Variants in SPSB1 observed in about 807,000 individuals in gnomAD.
SPSB1 encodes SPRY domain-containing SOCS box protein 1.
A neutral mutation model predicts 21.2 loss-of-function variants in SPSB1; 8 were observed. The observed-to-expected ratio is 0.38, with a 90% confidence interval of 0.22 to 0.68. The LOEUF (loss-of-function observed/expected upper bound fraction) is 0.68, where lower values mean the gene tolerates loss of function less well. Among genes scored for constraint, SPSB1 ranks in the 30% least tolerant of loss-of-function variants. The pLI, the probability that SPSB1 is intolerant of heterozygous loss-of-function variation, is 0.53. For missense variants in SPSB1, 242 were observed against 377.8 expected, an observed-to-expected ratio of 0.64 and a Z score of 2.98; for synonymous variants, 169 against 161.7, an observed-to-expected ratio of 1.05 and a Z score of -0.34.
chr1:9,335,167 A>C (rs1426792874), intron 1 of SPSB1, among the ~76,000 whole-genome samples: 2 of 152,004 alleles, frequency 1.3e-5, no homozygotes, highest in African/African-American at 4.8e-5. Context: ...AAAATGGTGC[A>C]TTTTCATTGG....
intron 1 of SPSB1, among the ~76,000 whole-genome samples, chr1:9,309,283 T>A (rs1631612): frequency 0.01 from 1,377 of 137,678 alleles, 29 homozygotes; most frequent in African/African-American, 0.035. Context: ...AGAGAGAGTG[T>A]GAGAGAGAGA....
At position 9,345,405 on chromosome 1, in the gene SPSB1, C is replaced by T. The variant is rs951160112; in HGVS notation, c.-149-10338C>T. 5.3e-5 allele frequency among the ~76,000 whole-genome samples: 8 copies of T among 152,078 alleles called. No homozygotes were observed. The highest frequency in any genetic ancestry group is 8.8e-5 in the Non-Finnish European group (6 of 68,016). ...AACCAGATGGGCCCAGTGTGTTACC[C>T]GCCGAGGCTAGGCAGTGTCGGTGGT... On this transcript the variant is annotated intron_variant, in intron 1 of 2. Transcript: ENST00000328089. The surrounding 1 kb of genome is among the most constrained non-coding windows in gnomAD (Gnocchi z 4.8).
At chr1:9,343,512 A>T (rs643762) in intron 1 of SPSB1, among the ~76,000 whole-genome samples, 36,422 of 152,132 alleles carry the variant, frequency 0.24, 4,394 homozygotes, top group Middle Eastern at 0.31. Flanking sequence ...GCATCCATTG[A>T]TGGACATTTG....
intron 1 of SPSB1, among the ~76,000 whole-genome samples, chr1:9,318,735 C>T (rs1639655147): frequency 6.6e-6 from 1 of 152,224 alleles, no homozygotes; most frequent in Non-Finnish European, 1.5e-5. Flanking sequence ...GGGCAGCTCA[C>T]TCAGATCAGG....
Position 9,369,014 on chromosome 1 carries a change from CTTTA to C in SPSB1, c.*1443_*1446del, listed in dbSNP as rs1236486604. The C allele has an allele frequency of 2.6e-5, 4 of 152,412 alleles. No homozygotes were observed. The highest frequency in any genetic ancestry group is 4.8e-5 in the African/African-American group (2 of 41,348). The allele number at this position is 152,412 out of a possible 1,614,324, so 9.4% of individuals were successfully genotyped here. On this transcript the variant is annotated 3_prime_UTR_variant, in exon 3 of 3. Transcript: ENST00000328089. The stretch of plus-strand genomic sequence containing the variant: ...ATTTCTGCACAGGTACAATAGATGA[CTTTA>C]TTTGTTTAAAATGTTTAATATATAT...
At chr1:9,340,264 A>G (rs543931093) in intron 1 of SPSB1, among the ~76,000 whole-genome samples, 167 of 152,158 alleles carry the variant, frequency 1.1e-3, no homozygotes, top group African/African-American at 3.6e-3. Context: ...GGTGCTGTCA[A>G]TCAGCAGAGG....
intron 1 of SPSB1, among the ~76,000 whole-genome samples, chr1:9,340,965 A>G (rs1471075669): frequency 1.3e-5 from 2 of 152,070 alleles, no homozygotes; most frequent in African/African-American, 2.4e-5. Flanking sequence ...CTGGGCTTCA[A>G]TTTCCAACAC....
Position 9,356,349 on chromosome 1 carries a change from G to A in SPSB1, c.458G>A (p.Gly153Asp). ...DLGRNRLYHD[G>D]KNQPSKTYPA... is the part of the protein sequence containing the mutation. ...GGGCGCAACCGGCTCTACCACGATG[G>A]CAAGAACCAGCCAAGCAAAACATAC... Residue 153 changes from glycine to aspartate, a missense_variant, in exon 2 of 3, where the codon GGC becomes GAC. Gly to Asp is a moderately conservative substitution (Grantham distance 94, BLOSUM62 -1). Coordinates refer to ENST00000328089, the MANE Select transcript of SPSB1 (RefSeq NM_025106.4). The surrounding 1 kb of genome is among the most constrained non-coding windows in gnomAD (Gnocchi z 7.4). 3 of 1,614,010 alleles carry A rather than the reference G, an allele frequency of 1.9e-6. No homozygotes were observed. The highest frequency in any genetic ancestry group is 2.5e-6 in the Non-Finnish European group (3 of 1,180,026).
intron 1 of SPSB1, among the ~76,000 whole-genome samples, chr1:9,341,359 C>T (rs1358163797): frequency 6.6e-6 from 1 of 152,202 alleles, no homozygotes; most frequent in Non-Finnish European, 1.5e-5. Flanking sequence ...AGCCCCTTCC[C>T]CTGAAGCTTG....
intron 2 of SPSB1, among the ~76,000 whole-genome samples, chr1:9,362,781 T>C (rs954099522): frequency 6.6e-6 from 1 of 152,248 alleles, no homozygotes; most frequent in Non-Finnish European, 1.5e-5. Flanking sequence ...TGGAAGCTGG[T>C]GCACTGTCTC....
At chr1:9,319,661 T>A (rs1391254013) in intron 1 of SPSB1, among the ~76,000 whole-genome samples, 1 of 152,142 alleles carries the variant, frequency 6.6e-6, no homozygotes, top group African/African-American at 2.4e-5. Context: ...GTGCAGAGGA[T>A]GCTGCGGGAG....
chr1:9,306,557 A>G (rs566706388), intron 1 of SPSB1, among the ~76,000 whole-genome samples: 2 of 152,314 alleles, frequency 1.3e-5, no homozygotes. Context: ...TAGGGTAGGT[A>G]CTACCCATTT....
chr1:9,298,497 GA>G (rs1290875337), intron 1 of SPSB1, among the ~76,000 whole-genome samples: 2 of 152,208 alleles, frequency 1.3e-5, no homozygotes, highest in African/African-American at 2.4e-5. Flanking sequence ...TCCCTTTGAA[GA>G]AGGACCTCAG....
intron 2 of SPSB1, among the ~76,000 whole-genome samples, chr1:9,358,886 T>C (rs1300216623): frequency 1.3e-5 from 2 of 152,190 alleles, no homozygotes; most frequent in East Asian, 3.8e-4. Flanking sequence ...AACAGAGGGT[T>C]CCGCCCACCC....
intron 2 of SPSB1, among the ~76,000 whole-genome samples, chr1:9,361,157 T>TTTTTTTTTTTTTTTTTTTTTC (rs1640468354): frequency 5.6e-5 from 1 of 17,786 alleles, no homozygotes; most frequent in African/African-American, 2.0e-4. Flanking sequence ...TGTCATTTTC[T>TTTTTTTTTTTTTTTTTTTTTC]TTTTTTTTTT....
intron 1 of SPSB1, among the ~76,000 whole-genome samples, chr1:9,334,066 TATAAC>T (rs1383054607): frequency 6.6e-6 from 1 of 152,208 alleles, no homozygotes; most frequent in Non-Finnish European, 1.5e-5. Context: ...AGCAAATACA[TATAAC>T]ATAAAATTAA....
intron 1 of SPSB1, chr1:9,339,109 G>C: frequency 1.6e-6 from 1 of 613,478 alleles, no homozygotes; most frequent in Non-Finnish European, 2.0e-6. Flanking sequence ...TCCAGCCCAG[G>C]CAAGGCAGGC....
intron 1 of SPSB1, among the ~76,000 whole-genome samples, chr1:9,344,568 G>A (rs1335086475): frequency 6.6e-6 from 1 of 152,204 alleles, no homozygotes; most frequent in Admixed American, 6.5e-5. Context: ...CTCAGGTGTT[G>A]AGAGGCGGCA....
rs984498723 is a variant in SPSB1, at chr1:9,345,997, C to G, written c.-149-9746C>G. On this transcript the variant is annotated intron_variant, in intron 1 of 2. Coordinates refer to ENST00000328089, the MANE Select transcript of SPSB1 (RefSeq NM_025106.4). This position sits in a 1 kb window ranked among gnomAD's most constrained non-coding sequence, Gnocchi z 4.8. Reference sequence around the variant, plus strand: ...GGCCCAGCCAGCACGGAGCATGCCCCGAGCCCTTCCACCACCAAGAGTGTC... The same window carrying G: ...GGCCCAGCCAGCACGGAGCATGCCCGGAGCCCTTCCACCACCAAGAGTGTC... 3.3e-5 allele frequency among the ~76,000 whole-genome samples: 5 copies of G among 152,176 alleles called. No homozygotes were observed. The highest frequency in any genetic ancestry group is 1.3e-4 in the Admixed American group (2 of 15,282).
Sources: allele counts gnomAD v4.1 joint callset (sites outside exome capture counted in the v4.1 genomes callset), GRCh38; gene constraint gnomAD v4.1.1; non-coding constraint Gnocchi (gnomAD v3.1); transcripts MANE v1.5; gene names NCBI Gene and HGNC (gene_info 2026-07-23, HGNC 2026-07-21).